Variants in NPAS3 observed in about 807,000 individuals in gnomAD.
NPAS3 encodes the protein neuronal PAS domain-containing protein 3.
NPAS3 carries 14 observed loss-of-function variants against 73.1 expected under a neutral mutation model. That is an observed-to-expected ratio of 0.19 (90% confidence interval 0.13 to 0.30). The LOEUF (loss-of-function observed/expected upper bound fraction) is 0.30. Among genes scored for constraint, NPAS3 ranks in the 10% least tolerant of loss-of-function variants. NPAS3 has a pLI of 1.00. For synonymous variants in NPAS3, 620 were observed against 541.5 expected (o/e 1.14, Z -2.01); for missense variants, 1,096 against 1,250.0 (o/e 0.88, Z 1.86).
intron 2 of NPAS3, among the ~76,000 whole-genome samples, chr14:33,197,474 T>G (rs897235846): frequency 6.6e-6 from 1 of 151,750 alleles, no homozygotes; most frequent in Non-Finnish European, 1.5e-5. Context: ...GCTGTAAGCT[T>G]CCATCCCAGA....
At chr14:33,530,963 G>A (rs1280264369) in intron 4 of NPAS3, among the ~76,000 whole-genome samples, 1 of 152,060 alleles carries the variant, frequency 6.6e-6, no homozygotes, top group African/African-American at 2.4e-5. Context: ...GCAAGTATGG[G>A]AAATATTCTC....
At chr14:33,770,664 C>G (rs1305880003) in intron 7 of NPAS3, among the ~76,000 whole-genome samples, 1 of 152,128 alleles carries the variant, frequency 6.6e-6, no homozygotes, top group Non-Finnish European at 1.5e-5. Flanking sequence ...CTTTGGGAGG[C>G]CGAGGTGGGC....
chr14:33,583,035 T>A (rs2056736810), intron 5 of NPAS3, among the ~76,000 whole-genome samples: 1 of 144,476 alleles, frequency 6.9e-6, no homozygotes, highest in African/African-American at 2.7e-5. Flanking sequence ...GAACCCTAGG[T>A]AAGTTCTAAC....
At chr14:33,699,370 G>C (rs890302849) in intron 6 of NPAS3, among the ~76,000 whole-genome samples, 2 of 152,002 alleles carry the variant, frequency 1.3e-5, no homozygotes, top group Non-Finnish European at 2.9e-5. Flanking sequence ...GTAAATTTGC[G>C]TTGGCAATAG....
chr14:33,717,515 G>C (rs145039711), intron 6 of NPAS3, among the ~76,000 whole-genome samples: 2,454 of 152,006 alleles, frequency 0.016, 50 homozygotes, highest in African/African-American at 0.056. Flanking sequence ...TATTATTATA[G>C]AATAATAAAT....
At chr14:33,241,618 C>G (rs567108989) in intron 3 of NPAS3, among the ~76,000 whole-genome samples, 1 of 151,956 alleles carries the variant, frequency 6.6e-6, no homozygotes, top group Non-Finnish European at 1.5e-5. Flanking sequence ...TCTTGTTAGT[C>G]TAGTCTCCCT....
chr14:33,087,379 G>C lies in NPAS3; in HGVS notation c.140+31385G>C, dbSNP rs1296688024. 3.3e-5 allele frequency among the ~76,000 whole-genome samples: 5 copies of C among 151,656 alleles called. No individual in the cohort carries two copies. The East Asian group carries it at 5.8e-4, about 18-fold the overall frequency. The stretch of plus-strand genomic sequence containing the variant: ...AACTTACTGTGTTAATTTGATACAG[G>C]ATATTTGTTTTCTGATGATGTGATT... On this transcript the variant is annotated intron_variant, in intron 2 of 11. Coordinates refer to ENST00000356141, the Ensembl canonical transcript of NPAS3.
chr14:33,029,174 G>T (rs1421792531), intron 1 of NPAS3, among the ~76,000 whole-genome samples: 1 of 152,156 alleles, frequency 6.6e-6, no homozygotes, highest in African/African-American at 2.4e-5. Flanking sequence ...GGCGGGTAGG[G>T]ATACATTTTT....
intron 4 of NPAS3, among the ~76,000 whole-genome samples, chr14:33,479,478 T>C (rs146353069): frequency 6.6e-6 from 1 of 152,256 alleles, no homozygotes; most frequent in African/African-American, 2.4e-5. Flanking sequence ...TGTCACATCA[T>C]TAATGCAAAT....
At chr14:33,255,485 T>C (rs1005441171) in intron 3 of NPAS3, among the ~76,000 whole-genome samples, 1 of 152,156 alleles carries the variant, frequency 6.6e-6, no homozygotes, top group Non-Finnish European at 1.5e-5. Context: ...AATCCTGGAC[T>C]ATTTGAGCTG....
At chr14:33,120,997 C>A (rs2043212411) in intron 2 of NPAS3, among the ~76,000 whole-genome samples, 1 of 152,124 alleles carries the variant, frequency 6.6e-6, no homozygotes, top group Admixed American at 6.6e-5. Context: ...CCAAAATTAT[C>A]TTTCAGAAAT....
intron 5 of NPAS3, among the ~76,000 whole-genome samples, chr14:33,643,289 G>A: frequency 6.8e-6 from 1 of 147,808 alleles, no homozygotes; most frequent in South Asian, 2.1e-4. Flanking sequence ...CATGTCTAGG[G>A]AAAGTAATTG....
At chr14:33,741,132 G>A (rs2061645945) in intron 7 of NPAS3, among the ~76,000 whole-genome samples, 2 of 152,132 alleles carry the variant, frequency 1.3e-5, no homozygotes, top group South Asian at 4.1e-4. Context: ...AGACAAGTGT[G>A]GATGGACTAG....
chr14:33,076,348 A>G (rs1416359620), intron 2 of NPAS3, among the ~76,000 whole-genome samples: 1 of 152,388 alleles, frequency 6.6e-6, no homozygotes, highest in East Asian at 1.9e-4. Flanking sequence ...CATGTTACCA[A>G]TTACATAAAG....
chr14:33,735,194 T>C lies in NPAS3; in HGVS notation c.734-20T>C, dbSNP rs892045179. ...TGTCAAGATCTAAATCGTGTGTGTCTGTATTTTTGTATTCCTCAGTGGAGT... is the reference window on the plus strand; with the variant it reads ...TGTCAAGATCTAAATCGTGTGTGTCCGTATTTTTGTATTCCTCAGTGGAGT... On this transcript the variant is annotated intron_variant, in intron 6 of 11. Transcript: ENST00000356141. 7 of 1,543,538 alleles carry C rather than the reference T, an allele frequency of 4.5e-6. No homozygotes were observed. Among genetic ancestry groups the C allele is most frequent in the Non-Finnish European group, 6.3e-6 (7 of 1,116,126 alleles).
rs551392166 is a variant in NPAS3, at chr14:33,218,060, A to G, written c.385+2634A>G. ...TAGTATGATTAAGATGTATAAAAAG[A>G]AGATAAAATGTGGTTGCTGCCCCCA... On this transcript the variant is annotated intron_variant, in intron 3 of 11. Coordinates refer to ENST00000356141, the Ensembl canonical transcript of NPAS3. Among the ~76,000 whole-genome samples the G allele has an allele frequency of 1.5e-3, 221 of 152,304 alleles. 1 individual carries two copies. Among genetic ancestry groups the G allele is most frequent in the Non-Finnish European group, 2.6e-3 (176 of 68,030 alleles).
chr14:33,779,270 C>G (rs1380269286), intron 9 of NPAS3, among the ~76,000 whole-genome samples: 1 of 152,228 alleles, frequency 6.6e-6, no homozygotes, highest in Non-Finnish European at 1.5e-5. Flanking sequence ...GTGTGGCTGG[C>G]TCCAGCAACA....
chr14:33,600,899 T>C (rs1357719122), intron 5 of NPAS3, among the ~76,000 whole-genome samples: 1 of 152,172 alleles, frequency 6.6e-6, no homozygotes, highest in African/African-American at 2.4e-5. Flanking sequence ...TCATGGGCAG[T>C]GGTTTGCTTT....
chr14:33,350,560 G>GGA (rs1398747790), intron 3 of NPAS3, among the ~76,000 whole-genome samples: 1 of 152,170 alleles, frequency 6.6e-6, no homozygotes, highest in African/African-American at 2.4e-5. Context: ...GTTCAAGAAG[G>GGA]GATCACGCCT....
Sources: allele counts gnomAD v4.1 joint callset (sites outside exome capture counted in the v4.1 genomes callset), GRCh38; gene constraint gnomAD v4.1.1; transcripts MANE v1.5; gene names NCBI Gene and HGNC (gene_info 2026-07-23, HGNC 2026-07-21).